The following XKR6 variants were observed in gnomAD, a reference collection of about 807,000 sequenced individuals.
XKR6 encodes the protein XK-related protein 6.
XKR6 carries 22 observed loss-of-function variants against 56.7 expected under a neutral mutation model. The ratio of observed to expected loss-of-function variants is 0.39; its 90% CI spans 0.28 to 0.55. The LOEUF is 0.55. XKR6 is among the 20% of genes least tolerant of loss of function. The pLI is 0.66. For synonymous variants in XKR6, 524 were observed against 387.8 expected (o/e 1.35, Z -4.13); for missense variants, 852 against 889.0 (o/e 0.96, Z 0.53).
intron 1 of XKR6, among the ~76,000 whole-genome samples, chr8:11,156,801 T>C (rs1465746613): frequency 6.6e-6 from 1 of 151,968 alleles, no homozygotes; most frequent in Non-Finnish European, 1.5e-5. Context: ...CAGGAGGTGA[T>C]GCCTAACACC....
At chr8:11,057,882 G>A (rs1336603208) in intron 1 of XKR6, among the ~76,000 whole-genome samples, 2 of 152,170 alleles carry the variant, frequency 1.3e-5, no homozygotes, top group Non-Finnish European at 2.9e-5. Flanking sequence ...TCACAGCGCT[G>A]AGCACCTGCC....
intron 1 of XKR6, among the ~76,000 whole-genome samples, chr8:10,980,874 C>T (rs540544293): frequency 1.3e-5 from 2 of 152,190 alleles, no homozygotes; most frequent in African/African-American, 2.4e-5. Context: ...TCTGTATCTA[C>T]TGACCTACCC....
intron 2 of XKR6, among the ~76,000 whole-genome samples, chr8:10,909,122 C>A (rs184570388): frequency 6.6e-6 from 1 of 151,390 alleles, no homozygotes; most frequent in African/African-American, 2.4e-5. Context: ...GCTGAGATTG[C>A]GCCACTGCAC....
intron 1 of XKR6, among the ~76,000 whole-genome samples, chr8:11,017,178 G>A (rs1369387473): frequency 6.6e-6 from 1 of 152,224 alleles, no homozygotes; most frequent in African/African-American, 2.4e-5. Context: ...AGATAGAGAT[G>A]ATATATAACA....
chr8:10,950,783 G>A (rs745911367), intron 1 of XKR6, among the ~76,000 whole-genome samples: 3 of 152,162 alleles, frequency 2.0e-5, no homozygotes, highest in Non-Finnish European at 2.9e-5. Flanking sequence ...CGCCTCCCAA[G>A]GTCATCCAGG....
At chr8:10,940,631 T>C (rs1316111430) in intron 1 of XKR6, among the ~76,000 whole-genome samples, 1 of 152,094 alleles carries the variant, frequency 6.6e-6, no homozygotes, top group African/African-American at 2.4e-5. Context: ...GCAACACAGG[T>C]CCCACCCTCC....
At chr8:11,073,984 C>T (rs1438840589) in intron 1 of XKR6, among the ~76,000 whole-genome samples, 1 of 151,982 alleles carries the variant, frequency 6.6e-6, no homozygotes, top group African/African-American at 2.4e-5. Flanking sequence ...GTCTGTTCGG[C>T]TGGTTTGAAG....
In XKR6 at chr8:10,898,998, G is replaced by A. The variant is rs1799964076; in HGVS notation, c.962-82C>T. On this transcript the variant is annotated intron_variant, in intron 2 of 2. Coordinates refer to ENST00000416569, the MANE Select transcript of XKR6 (RefSeq NM_173683.4). This position sits in a 1 kb window ranked among gnomAD's most constrained non-coding sequence, Gnocchi z 6.6. ...CAGTGAAGCTGCCGGCTGAGGAGAC[G>A]CCCACATACACCACGATCTAAAGGA... is the stretch of plus-strand genomic sequence containing the variant. 11 of 1,503,200 alleles carry A rather than the reference G, an allele frequency of 7.3e-6. No individual in the cohort carries two copies. Among genetic ancestry groups the A allele is most frequent in the South Asian group, 4.0e-5 (3 of 74,456 alleles). 93.1% of individuals were successfully genotyped at this position (1,503,200 alleles called of 1,614,324 possible).
At chr8:11,105,881 G>A (rs942712107) in intron 1 of XKR6, 7 of 152,068 alleles carry the variant, frequency 4.6e-5, no homozygotes, top group Admixed American at 6.6e-5. Flanking sequence ...CAGCTTCTGC[G>A]AATACTTATA....
chr8:11,018,159 C>G (rs1229434961), intron 1 of XKR6, among the ~76,000 whole-genome samples: 6 of 128,846 alleles, frequency 4.7e-5, no homozygotes, highest in African/African-American at 1.4e-4. Flanking sequence ...TGACCTGAAT[C>G]CCCCCCACCC....
intron 1 of XKR6, among the ~76,000 whole-genome samples, chr8:10,929,501 T>C (rs979563433): frequency 1.3e-5 from 2 of 152,196 alleles, no homozygotes; most frequent in Admixed American, 6.5e-5. Context: ...CTCCCAGAGG[T>C]AGACCATGTG....
intron 1 of XKR6, among the ~76,000 whole-genome samples, chr8:10,956,088 C>T (rs6982927): frequency 0.19 from 28,734 of 152,114 alleles, 3,847 homozygotes; most frequent in African/African-American, 0.38. Context: ...GCTCCTGGCT[C>T]CCTAGCCTTC....
At position 11,138,069 on chromosome 8, in the gene XKR6, T is replaced by G. The variant is rs548747571; in HGVS notation, c.764+62507A>C. On this transcript the variant is annotated intron_variant, in intron 1 of 2. Transcript: ENST00000416569. ...CTGTCTTCAACGTAAACAACATTCT[T>G]AGGGAGAATGCTTGCCTCTACCATG... 23 of 198,500 alleles carry G rather than the reference T, an allele frequency of 1.2e-4. No homozygotes were observed. The South Asian group carries it at 2.0e-3, about 17-fold the overall frequency. 12.3% of individuals were successfully genotyped at this position (198,500 alleles called of 1,614,324 possible).
intron 1 of XKR6, among the ~76,000 whole-genome samples, chr8:10,929,942 G>T (rs1489422152): frequency 6.6e-6 from 1 of 152,214 alleles, no homozygotes; most frequent in African/African-American, 2.4e-5. Flanking sequence ...CCCTCCAGCA[G>T]AAGTATCTAG....
At chr8:11,195,257 T>C (rs1403067723) in intron 1 of XKR6, 1 of 689,472 alleles carries the variant, frequency 1.5e-6, no homozygotes, top group Non-Finnish European at 2.6e-6. Context: ...CCTAGTGTTT[T>C]TACAGTTTAA....
chr8:10,992,609 T>G (rs929743183), intron 1 of XKR6, among the ~76,000 whole-genome samples: 1 of 152,200 alleles, frequency 6.6e-6, no homozygotes, highest in Non-Finnish European at 1.5e-5. Context: ...GTTCTTATCA[T>G]GAAGGAAGAC....
intron 1 of XKR6, among the ~76,000 whole-genome samples, chr8:11,048,921 A>G (rs998718958): frequency 1.4e-4 from 22 of 152,312 alleles, no homozygotes; most frequent in Middle Eastern, 3.4e-3. Context: ...CTGTCAATTA[A>G]GTGGGCTTGG....
intron 1 of XKR6, among the ~76,000 whole-genome samples, chr8:11,039,635 G>A (rs75375036): frequency 3.9e-5 from 6 of 152,232 alleles, no homozygotes; most frequent in Non-Finnish European, 8.8e-5. Flanking sequence ...CGAGAGGGGA[G>A]AGCCCGGCGG....
At chr8:11,067,745 C>T (rs908088936) in intron 1 of XKR6, among the ~76,000 whole-genome samples, 3 of 152,210 alleles carry the variant, frequency 2.0e-5, no homozygotes, top group African/African-American at 7.2e-5. Flanking sequence ...GGCCACATGG[C>T]AGGTCCAGAG....
Sources: allele counts gnomAD v4.1 joint callset (sites outside exome capture counted in the v4.1 genomes callset), GRCh38; gene constraint gnomAD v4.1.1; non-coding constraint Gnocchi (gnomAD v3.1); transcripts MANE v1.5; gene names NCBI Gene and HGNC (gene_info 2026-07-23, HGNC 2026-07-21).